SAG: variants seen among roughly 807,000 people sequenced by gnomAD.
The protein encoded by SAG is S-antigen visual arrestin, also known as S-arrestin.
In SAG, 45 loss-of-function variants were observed where a neutral mutation model predicts 55.0. The ratio of observed to expected loss-of-function variants is 0.82; its 90% CI spans 0.64 to 1.05. The LOEUF (loss-of-function observed/expected upper bound fraction) is 1.05, where lower values mean the gene tolerates loss of function less well. SAG is among the 50% of genes least tolerant of loss of function. SAG has a pLI of 0.00. For missense variants in SAG, 455 were observed against 512.1 expected (o/e 0.89, Z 1.08); for synonymous variants, 189 against 197.4 (o/e 0.96, Z 0.36).
chr2:233,313,979 G>A (rs1700148891), intron 2 of SAG, among the ~76,000 whole-genome samples: 1 of 151,970 alleles, frequency 6.6e-6, no homozygotes, highest in Admixed American at 6.6e-5. Flanking sequence ...CAGCACTCTG[G>A]AAGGCCGAGG....
Position 233,328,939 on chromosome 2 carries a change from T to C in SAG, c.648+326T>C, listed in dbSNP as rs1700659046. The C allele has an allele frequency of 1.3e-5, 4 of 305,550 alleles. No individual in the cohort carries two copies. The East Asian group carries it at 2.6e-4, about 20-fold the overall frequency. 18.9% of individuals were successfully genotyped at this position (305,550 alleles called of 1,614,324 possible). A position where few individuals can be genotyped will look rare whatever the true frequency, so the allele number is the denominator to read the frequency against. On this transcript the variant is annotated intron_variant, in intron 8 of 15. Transcript: ENST00000409110. ...CACCTCCATGGGCCTTGTTCACTCA[T>C]GGAGCATCAATAGCTGTGGTATCCC...
chr2:233,317,570 G>T (rs1425517830), intron 3 of SAG, among the ~76,000 whole-genome samples: 1 of 152,190 alleles, frequency 6.6e-6, no homozygotes, highest in African/African-American at 2.4e-5. Context: ...AGGTTATTTG[G>T]CAGCATGTTA....
At chr2:233,346,670 G>A (rs1009722414) in intron 15 of SAG, 137 bp from the exon 16 acceptor site, 10 of 758,194 alleles carry the variant, frequency 1.3e-5, no homozygotes, top group African/African-American at 1.0e-4. Flanking sequence ...GAAGCCTTGA[G>A]GAAAATGGCG....
rs146195047 is a variant in SAG, at chr2:233,342,550, TA to T, written c.1102+225del. ...ACCTTCAGCTGGAGTCTGCAAGATG[TA>T]GCATCCTTGCTCTTGGACAGGGACA... On this transcript the variant is annotated intron_variant, in intron 14 of 15. Transcript: ENST00000409110. 3.8e-3 allele frequency: 2,159 copies of T among 570,244 alleles called. 43 individuals carry two copies. Among genetic ancestry groups the T allele is most frequent in the African/African-American group, 0.035 (1,886 of 53,218 alleles). The allele number at this position is 570,244 out of a possible 1,614,324, so 35.3% of individuals were successfully genotyped here. A position where few individuals can be genotyped will look rare whatever the true frequency, so the allele number is the denominator to read the frequency against.
At chr2:233,335,193 C>A in intron 11 of SAG, 94 bp downstream of exon 11, 1 of 1,460,136 alleles carries the variant, frequency 6.8e-7, no homozygotes, top group Non-Finnish European at 9.2e-7. Context: ...CGCAGGCACG[C>A]ACGTGCAGCA....
At chr2:233,312,748 C>T (rs555447714) in intron 2 of SAG, among the ~76,000 whole-genome samples, 1 of 152,330 alleles carries the variant, frequency 6.6e-6, no homozygotes, top group East Asian at 1.9e-4. Flanking sequence ...AGAGCATGCC[C>T]TCAACCGTCC....
At chr2:233,339,964 CT>C (rs35781383) in intron 12 of SAG, among the ~76,000 whole-genome samples, 5 of 146,542 alleles carry the variant, frequency 3.4e-5, no homozygotes, top group African/African-American at 1.0e-4. Flanking sequence ...GCCCAGCCAA[CT>C]TTTTTTTTTG....
chr2:233,337,676 C>A (rs770220921), intron 11 of SAG, among the ~76,000 whole-genome samples: 13 of 152,208 alleles, frequency 8.5e-5, no homozygotes, highest in Non-Finnish European at 1.6e-4. Flanking sequence ...CCAGGCCCAG[C>A]ACCTGCTGGC....
At chr2:233,326,076 C>T (rs1336865137) in intron 6 of SAG, among the ~76,000 whole-genome samples, 1 of 152,076 alleles carries the variant, frequency 6.6e-6, no homozygotes, top group Non-Finnish European at 1.5e-5. Flanking sequence ...GGAGGGCAGG[C>T]CGGTGCCCTC....
intron 2 of SAG, among the ~76,000 whole-genome samples, chr2:233,314,320 C>T (rs551475758): frequency 1.3e-5 from 2 of 152,094 alleles, no homozygotes; most frequent in African/African-American, 4.8e-5. Flanking sequence ...GATGAGGGAT[C>T]GCACAATTCT....
intron 14 of SAG, chr2:233,343,527 T>C (rs527375245): frequency 9.1e-5 from 31 of 340,898 alleles, no homozygotes; most frequent in South Asian, 8.2e-4. Context: ...GATGCAATAG[T>C]TGTATGACTC....
chr2:233,330,526 TTC>T (rs1174466031), intron 9 of SAG, among the ~76,000 whole-genome samples: 3 of 149,270 alleles, frequency 2.0e-5, no homozygotes, highest in African/African-American at 7.4e-5. Context: ...CCTTCCTTCC[TTC>T]CTTCCTTCCT....
rs768405569 is a variant in SAG at position 233,320,757 on chromosome 2, C to T, written c.309C>T (p.Thr103=). Residue 103 remains threonine (T), a synonymous_variant, in exon 5 of 16, where the codon ACC becomes ACT. Coordinates refer to ENST00000409110, the MANE Select transcript of SAG (RefSeq NM_000541.5). The stretch of plus-strand genomic sequence containing the variant: ...ATCCTCCTGTGGGGGCCGCGAGCAC[C>T]CCCACAAAACTGCAAGAGAGCCTGC... The part of the protein sequence containing the change: ...QVYPPVGAAS[T]PTKLQESLLK... 5 of 1,606,670 alleles carry T rather than the reference C, an allele frequency of 3.1e-6. No individual in the cohort carries two copies. In the South Asian group the frequency reaches 5.6e-5, roughly 18 times the overall value.
At chr2:233,320,597 C>T in intron 4 of SAG, 33 bp from the exon 5 acceptor site, 1 of 1,529,146 alleles carries the variant, frequency 6.5e-7, no homozygotes, top group Non-Finnish European at 8.8e-7. Context: ...AGGCCGAGGG[C>T]CAAGTCCGAC....
Position 233,333,859 on chromosome 2 carries a change from C to G in SAG, c.807-1103C>G, listed in dbSNP as rs182831853. On this transcript the variant is annotated intron_variant, in intron 10 of 15. Coordinates refer to ENST00000409110, the MANE Select transcript of SAG (RefSeq NM_000541.5). ...GGATGTGGGCCACCTTGGGCTCTGG[C>G]AGATTTCTGTAAAGAGCTTCCTGTA... 13 of 152,324 alleles carry G rather than the reference C, an allele frequency of 8.5e-5. No individual in the cohort carries two copies. In the East Asian group the frequency reaches 2.5e-3, roughly 29 times the overall value. 9.4% of individuals were successfully genotyped at this position (152,324 alleles called of 1,614,324 possible). A position where few individuals can be genotyped will look rare whatever the true frequency, so the allele number is the denominator to read the frequency against.
intron 2 of SAG, among the ~76,000 whole-genome samples, chr2:233,315,737 CTG>C (rs1275971254): frequency 1.9e-4 from 29 of 149,788 alleles, no homozygotes; most frequent in Non-Finnish European, 1.5e-5. Context: ...GAGTCTCACT[CTG>C]TTGCCCAGGC....
At chr2:233,333,129 A>AAC (rs1700820699) in intron 10 of SAG, 1 of 152,188 alleles carries the variant, frequency 6.6e-6, no homozygotes, top group South Asian at 2.1e-4. Flanking sequence ...ACTTTAGGAG[A>AAC]AACTATTACT....
rs189497349 is a variant in SAG at position 233,315,814 on chromosome 2, T to C, written c.76-261T>C. On this transcript the variant is annotated intron_variant, in intron 2 of 15. Coordinates refer to ENST00000409110, the MANE Select transcript of SAG (RefSeq NM_000541.5). Reference sequence around the variant, plus strand: ...GCCTCCCAGGTTTAACTGATTCTCCTGCCTCAGCCTCTTGAGTAGCTGGGA... The same window carrying C: ...GCCTCCCAGGTTTAACTGATTCTCCCGCCTCAGCCTCTTGAGTAGCTGGGA... Among the ~76,000 whole-genome samples the C allele has an allele frequency of 1.2e-3, 188 of 151,858 alleles. 2 individuals carry two copies. Among genetic ancestry groups the C allele is most frequent in the African/African-American group, 4.3e-3 (179 of 41,408 alleles).
chr2:233,343,077 T>TG (rs1172683782), intron 14 of SAG: 1,997 of 128,204 alleles, frequency 0.016, 74 homozygotes, highest in South Asian at 0.029. Context: ...TGTTTTTTTT[T>TG]GGGGTTTTTT....
Sources: gnomAD v4.1 joint callset for allele counts (sites outside exome capture counted in the v4.1 genomes callset) on GRCh38, gnomAD v4.1.1 for gene constraint, MANE v1.5 for transcripts, NCBI Gene and HGNC (gene_info 2026-07-23, HGNC 2026-07-21) for gene names.